Variants in USP34 observed in about 807,000 individuals in gnomAD.
The protein encoded by USP34 is ubiquitin specific peptidase 34, also known as ubiquitin carboxyl-terminal hydrolase 34.
A neutral mutation model predicts 460.3 loss-of-function variants in USP34; 70 were observed. The ratio of observed to expected loss-of-function variants is 0.15; its 90% CI spans 0.13 to 0.19. The LOEUF (loss-of-function observed/expected upper bound fraction) is 0.19. Among genes scored for constraint, USP34 ranks in the 10% least tolerant of loss-of-function variants. The probability of loss-of-function intolerance (pLI) is 1.00; values close to 1 mark genes in which losing one functional copy is unlikely to be tolerated. For missense variants in USP34, 3,985 were observed against 4,236.2 expected, an observed-to-expected ratio of 0.94 and a Z score of 1.65; for synonymous variants, 1,647 against 1,405.3, an observed-to-expected ratio of 1.17 and a Z score of -3.85.
intron 75 of USP34, 99 bp downstream of exon 75, chr2:61,203,041 A>G (rs1687019957): frequency 7.7e-7 from 1 of 1,293,870 alleles, no homozygotes. Flanking sequence ...CACTTTAAAA[A>G]AAGAAAAAAA....
intron 16 of USP34, among the ~76,000 whole-genome samples, chr2:61,340,411 G>C (rs1265691319): frequency 6.6e-6 from 1 of 152,000 alleles, no homozygotes; most frequent in East Asian, 1.9e-4. Flanking sequence ...CCTTTCTCTT[G>C]GGTAAATACT....
intron 65 of USP34, chr2:61,221,808 A>G (rs1687595680): frequency 2.4e-6 from 1 of 415,396 alleles, no homozygotes; most frequent in Non-Finnish European, 4.2e-6. Flanking sequence ...GGAACCACGT[A>G]TGATAGATTT....
chr2:61,361,603 T>C (rs1282042024), intron 10 of USP34, among the ~76,000 whole-genome samples: 1 of 144,562 alleles, frequency 6.9e-6, no homozygotes, highest in East Asian at 2.0e-4. Flanking sequence ...AAACCTGATA[T>C]CCACATACAG....
rs1448249497 is a variant in USP34 at position 61,220,332 on chromosome 2, G to C, written c.8025C>G (p.His2675Gln). The C allele has an allele frequency of 6.2e-7, 1 of 1,613,624 alleles. No individual in the cohort carries two copies. The highest frequency in any genetic ancestry group is 8.5e-7 in the Non-Finnish European group (1 of 1,179,844). Reference sequence around the variant, plus strand: ...TACAAGTCCTCACTCTAGGATAATTGTGAGCCAAAAGAAACCGCTCGACCC... The same window carrying C: ...TACAAGTCCTCACTCTAGGATAATTCTGAGCCAAAAGAAACCGCTCGACCC... ...ENWVERFLLA[H>Q]NYPRVRTSAA... The change falls in exon 67 of 80, where the codon CAC (histidine) becomes CAG (glutamine). Residue 2675 changes from histidine to glutamine, a missense_variant. Coordinates refer to ENST00000398571, the MANE Select transcript of USP34 (RefSeq NM_014709.4).
Position 61,253,418 on chromosome 2 carries a change from C to T in USP34, c.6221+2966G>A, listed in dbSNP as rs1572874143. ...TGACTGACTCCATTTTATATACGTC[C>T]CTAACTCTTATCCTAACCCAACTCT... On this transcript the variant is annotated intron_variant, in intron 48 of 79. Coordinates refer to ENST00000398571, the MANE Select transcript of USP34 (RefSeq NM_014709.4). Among the ~76,000 whole-genome samples, 3 of 152,228 alleles carry T rather than the reference C, an allele frequency of 2.0e-5. No individual in the cohort carries two copies. In the South Asian group the frequency reaches 6.2e-4, roughly 32 times the overall value.
rs572097454 is a variant in USP34 at position 61,441,628 on chromosome 2, GA to G, written c.44-20796del. Among the ~76,000 whole-genome samples, 196 of 151,730 alleles carry G rather than the reference GA, an allele frequency of 1.3e-3. 1 individual carries two copies. Among genetic ancestry groups the G allele is most frequent in the South Asian group, 8.1e-3 (39 of 4,808 alleles). ...CTCCTGCCACCACTCAACAGGCACA[GA>G]AATGCGTAAGTGCCAAAAAAAAAAA... On this transcript the variant is annotated intron_variant, in intron 1 of 79. Transcript: ENST00000398571.
In USP34 at chr2:61,418,444, C is replaced by T. The variant is rs562235824; in HGVS notation, c.131+2302G>A. The stretch of plus-strand genomic sequence containing the variant: ...TACTGTAGATAATACACTACAAAAA[C>T]AATTTATGACCACTAATAATCTTAC... On this transcript the variant is annotated intron_variant, in intron 2 of 79. Transcript: ENST00000398571. Among the ~76,000 whole-genome samples the T allele has an allele frequency of 5.9e-5, 9 of 152,174 alleles. No individual in the cohort carries two copies. The South Asian group carries it at 8.3e-4, about 14-fold the overall frequency.
chr2:61,402,190 G>A (rs932170209), intron 3 of USP34, among the ~76,000 whole-genome samples: 2 of 152,086 alleles, frequency 1.3e-5, no homozygotes, highest in Non-Finnish European at 2.9e-5. Context: ...TGAGGTGGGT[G>A]GATCGTTTGA....
intron 10 of USP34, among the ~76,000 whole-genome samples, chr2:61,351,098 A>C (rs1051718896): frequency 2.0e-5 from 3 of 152,168 alleles, no homozygotes; most frequent in Non-Finnish European, 2.9e-5. Context: ...GCTGAGGTGC[A>C]CACCTGTGGT....
Position 61,188,053 on chromosome 2 carries a change from A to ATGGGGGT in USP34, c.*42_*48dup, listed in dbSNP as rs1686493507. ...AATAAGCAAAACTTATACAAACAGC[A>ATGGGGGT]TGGGGGTTGGGGGTGAGGGACTTAA... On this transcript the variant is annotated 3_prime_UTR_variant, in exon 80 of 80. Coordinates refer to ENST00000398571, the MANE Select transcript of USP34 (RefSeq NM_014709.4). 1 of 1,563,748 alleles carries ATGGGGGT rather than the reference A, an allele frequency of 6.4e-7. No homozygotes were observed. Among genetic ancestry groups the ATGGGGGT allele is most frequent in the Admixed American group, 1.9e-5 (1 of 52,134 alleles).
chr2:61,449,023 G>A (rs72815560), intron 1 of USP34, among the ~76,000 whole-genome samples: 18,952 of 151,978 alleles, frequency 0.12, 1,682 homozygotes, highest in East Asian at 0.38. Flanking sequence ...GTGTGGTGGC[G>A]CATGCCTGTA....
At chr2:61,257,173 C>G (rs1688744588) in intron 45 of USP34, 31 bp downstream of exon 45, 1 of 1,581,930 alleles carries the variant, frequency 6.3e-7, no homozygotes, top group South Asian at 1.2e-5. Flanking sequence ...GTTCAAATTT[C>G]AAAGAAACTT....
At chr2:61,371,107 T>C (rs1271695559) in intron 8 of USP34, among the ~76,000 whole-genome samples, 1 of 152,200 alleles carries the variant, frequency 6.6e-6, no homozygotes, top group Non-Finnish European at 1.5e-5. Context: ...ATTTGGTCAA[T>C]GGCAGACCAA....
intron 2 of USP34, among the ~76,000 whole-genome samples, chr2:61,412,083 G>A (rs916237512): frequency 6.6e-5 from 10 of 151,674 alleles, no homozygotes; most frequent in Non-Finnish European, 1.3e-4. Context: ...CAGATACTTG[G>A]GAGGCTGAGG....
Position 61,348,794 on chromosome 2 carries a change from T to C in USP34, c.1636A>G (p.Arg546Gly), listed in dbSNP as rs754804836. The change falls in exon 14 of 80, where the codon AGA (arginine) becomes GGA (glycine). Residue 546 changes from arginine (R) to glycine (G), a missense_variant. Transcript: ENST00000398571. Reference sequence around the variant, plus strand: ...AGTCGTTGTTGCACATGTTTGGTTCTATTAATAAGTTGCTCATCCATTTCA... The same window carrying C: ...AGTCGTTGTTGCACATGTTTGGTTCCATTAATAAGTTGCTCATCCATTTCA... ...DIEMDEQLIN[R>G]TKHVQQRLSD... is the part of the protein sequence containing the mutation. The C allele has an allele frequency of 1.8e-5, 29 of 1,613,778 alleles. No individual in the cohort carries two copies. The highest frequency in any genetic ancestry group is 2.4e-5 in the Non-Finnish European group (28 of 1,179,892).
At chr2:61,460,289 T>C (rs1284380252) in intron 1 of USP34, among the ~76,000 whole-genome samples, 1 of 152,186 alleles carries the variant, frequency 6.6e-6, no homozygotes, top group East Asian at 1.9e-4. Flanking sequence ...GATGAAATCT[T>C]GTGCCGTCCC....
intron 29 of USP34, 75 bp downstream of exon 29, chr2:61,300,876 T>A: frequency 1.0e-6 from 1 of 985,982 alleles, no homozygotes; most frequent in Non-Finnish European, 1.5e-6. Flanking sequence ...TTTTATAAAC[T>A]ATACTTTTAT....
intron 6 of USP34, among the ~76,000 whole-genome samples, chr2:61,382,803 A>G (rs778211025): frequency 1.3e-5 from 2 of 152,172 alleles, no homozygotes; most frequent in Non-Finnish European, 2.9e-5. Flanking sequence ...CTGTCCCCAT[A>G]AACTGTAACC....
chr2:61,351,059 T>C (rs1691929187), intron 10 of USP34, among the ~76,000 whole-genome samples: 1 of 152,124 alleles, frequency 6.6e-6, no homozygotes, highest in Admixed American at 6.6e-5. Flanking sequence ...CTCATCTCTG[T>C]AAAAAATACA....
Sources: gnomAD v4.1 joint callset for allele counts (sites outside exome capture counted in the v4.1 genomes callset) on GRCh38, gnomAD v4.1.1 for gene constraint, MANE v1.5 for transcripts, NCBI Gene and HGNC (gene_info 2026-07-23, HGNC 2026-07-21) for gene names.